The following ZC2HC1A variants were observed in gnomAD, a reference collection of about 807,000 sequenced individuals.
The protein encoded by ZC2HC1A is zinc finger C2HC domain-containing protein 1A.
In ZC2HC1A, 28 loss-of-function variants were observed where a neutral mutation model predicts 40.7. The ratio of observed to expected loss-of-function variants is 0.69; its 90% confidence interval spans 0.51 to 0.94. The LOEUF (loss-of-function observed/expected upper bound fraction) is 0.94, where lower values mean the gene tolerates loss of function less well. ZC2HC1A is among the 40% of genes least tolerant of loss of function. The pLI is 0.00. For missense variants in ZC2HC1A, 389 were observed against 386.3 expected (o/e 1.01, Z -0.06); for synonymous variants, 129 against 129.2 (o/e 1.00, Z 0.01).
chr8:78,694,952 G>A (rs2130530039), intron 5 of ZC2HC1A, among the ~76,000 whole-genome samples: 1 of 152,198 alleles, frequency 6.6e-6, no homozygotes, highest in African/African-American at 2.4e-5. Context: ...CTTCATAATA[G>A]CACACAAAAC....
intron 3 of ZC2HC1A, 106 bp downstream of exon 3, chr8:78,678,785 A>C: frequency 1.7e-6 from 1 of 605,342 alleles, no homozygotes; most frequent in Non-Finnish European, 2.7e-6. Flanking sequence ...ATTATCTGCT[A>C]CATTAAGATT....
intron 7 of ZC2HC1A, among the ~76,000 whole-genome samples, chr8:78,709,374 G>T (rs1347535159): frequency 6.6e-6 from 1 of 152,150 alleles, no homozygotes; most frequent in Non-Finnish European, 1.5e-5. Context: ...CTTTTGATGT[G>T]TGTGAAATGA....
At chr8:78,691,397 T>C (rs1249036542) in intron 5 of ZC2HC1A, among the ~76,000 whole-genome samples, 1 of 152,214 alleles carries the variant, frequency 6.6e-6, no homozygotes, top group Non-Finnish European at 1.5e-5. Context: ...TGTGTTGCAG[T>C]ATGTTTCATG....
intron 3 of ZC2HC1A, among the ~76,000 whole-genome samples, chr8:78,683,416 C>A (rs1402170021): frequency 6.6e-6 from 1 of 152,236 alleles, no homozygotes; most frequent in African/African-American, 2.4e-5. Flanking sequence ...GTGGGCTCAA[C>A]ACCATGTGGA....
At position 78,689,367 on chromosome 8, in the gene ZC2HC1A, A is replaced by T. The variant is rs373470064; in HGVS notation, c.498A>T (p.Thr166=). ...TDTKGKPTSR[T]QVYKPPALKK... ...CCAAAGGAAAACCAACTTCTCGGAC[A>T]CAGGTGGTAAGTTCAGTTTTAATAA... The change falls in exon 5 of 9, where the codon ACA becomes ACT. Residue 166 remains threonine (T), a synonymous_variant. Coordinates refer to ENST00000263849, the MANE Select transcript of ZC2HC1A (RefSeq NM_016010.3). 74 of 1,582,066 alleles carry T rather than the reference A, an allele frequency of 4.7e-5. No individual in the cohort carries two copies. The highest frequency in any genetic ancestry group is 6.3e-5 in the Non-Finnish European group (73 of 1,166,258).
chr8:78,697,387 T>C lies in ZC2HC1A; in HGVS notation c.505-20T>C. The C allele has an allele frequency of 1.3e-6, 2 of 1,527,850 alleles. No individual in the cohort carries two copies. Among genetic ancestry groups the C allele is most frequent in the African/African-American group, 1.4e-5 (1 of 71,294 alleles). 94.6% of individuals were successfully genotyped at this position (1,527,850 alleles called of 1,614,324 possible). A position where few individuals can be genotyped will look rare whatever the true frequency, so the allele number is the denominator to read the frequency against. On this transcript the variant is annotated intron_variant, in intron 5 of 8. Transcript: ENST00000263849. ...AATCAAAAAGTGATGTTGATTAATA[T>C]TTTTTTTCCATTATTTTAGTATAAG...
At chr8:78,689,992 G>A (rs1001501330) in intron 5 of ZC2HC1A, among the ~76,000 whole-genome samples, 4 of 151,994 alleles carry the variant, frequency 2.6e-5, no homozygotes, top group African/African-American at 7.2e-5. Flanking sequence ...TGAAGTAAGG[G>A]GCAGTTTTTC....
intron 6 of ZC2HC1A, 30 bp from the exon 7 acceptor site, chr8:78,698,384 T>C (rs1170420986): frequency 5.8e-6 from 9 of 1,545,750 alleles, no homozygotes; most frequent in Middle Eastern, 3.4e-4. Flanking sequence ...TTTTAGAGTA[T>C]TGTTAAAAAT....
At chr8:78,672,899 A>T (rs973066812) in intron 1 of ZC2HC1A, among the ~76,000 whole-genome samples, 4 of 150,818 alleles carry the variant, frequency 2.7e-5, no homozygotes, top group African/African-American at 9.7e-5. Flanking sequence ...ATTATTTTTA[A>T]TTTTTTTTTT....
chr8:78,698,525 C>T lies in ZC2HC1A; in HGVS notation c.704+12C>T. The T allele has an allele frequency of 6.4e-7, 1 of 1,558,576 alleles. No individual in the cohort carries two copies. Among genetic ancestry groups the T allele is most frequent in the Non-Finnish European group, 8.8e-7 (1 of 1,141,820 alleles). ...GCCCCTCATGCAGGGTAAGTCTACA[C>T]TGGATATAATTATTAGTGGTATATA... On this transcript the variant is annotated intron_variant, in intron 7 of 8. Coordinates refer to ENST00000263849, the MANE Select transcript of ZC2HC1A (RefSeq NM_016010.3).
intron 7 of ZC2HC1A, among the ~76,000 whole-genome samples, chr8:78,710,288 C>CAT (rs1019549089): frequency 1.8e-3 from 280 of 151,534 alleles, no homozygotes; most frequent in African/African-American, 5.8e-3. Flanking sequence ...TTTGAATGTA[C>CAT]ATATATATAT....
intron 7 of ZC2HC1A, among the ~76,000 whole-genome samples, chr8:78,699,263 A>G (rs945317611): frequency 6.6e-5 from 10 of 152,098 alleles, no homozygotes; most frequent in Non-Finnish European, 1.5e-4. Flanking sequence ...ATATAATTAA[A>G]CTTTCAATAG....
intron 7 of ZC2HC1A, among the ~76,000 whole-genome samples, chr8:78,710,243 C>A (rs1361723417): frequency 6.6e-6 from 1 of 152,024 alleles, no homozygotes; most frequent in Non-Finnish European, 1.5e-5. Context: ...CTAAAAATAG[C>A]ATTCATTAAC....
intron 5 of ZC2HC1A, among the ~76,000 whole-genome samples, chr8:78,692,509 A>T (rs1464254987): frequency 6.6e-6 from 1 of 152,172 alleles, no homozygotes; most frequent in African/African-American, 2.4e-5. Context: ...CATGGTAGGT[A>T]ATATATAACA....
intron 3 of ZC2HC1A, among the ~76,000 whole-genome samples, chr8:78,685,359 T>TTC (rs1197585059): frequency 6.6e-6 from 1 of 152,188 alleles, no homozygotes; most frequent in African/African-American, 2.4e-5. Context: ...AACTGGAAGT[T>TTC]GTAGAAGGAA....
chr8:78,680,027 T>C (rs937210846), intron 3 of ZC2HC1A, among the ~76,000 whole-genome samples: 3 of 152,136 alleles, frequency 2.0e-5, no homozygotes, highest in Admixed American at 2.0e-4. Context: ...AACTTTCACT[T>C]TGCTACATAC....
In ZC2HC1A at chr8:78,697,440, C is replaced by T. The variant is rs769083996; in HGVS notation, c.538C>T (p.Pro180Ser). ...KPPALKKSNSPGTASSGSSRL... is the reference protein window; with the variant it reads ...KPPALKKSNSSGTASSGSSRL... The stretch of plus-strand genomic sequence containing the variant: ...ACCCGCACTTAAAAAGTCAAATTCT[C>T]CTGGAACTGCATCATCAGGATCTTC... The change falls in exon 6 of 9, where the codon CCT becomes TCT. Residue 180 changes from proline to serine, a missense_variant. Transcript: ENST00000263849. The T allele has an allele frequency of 8.7e-6, 14 of 1,608,646 alleles. No individual in the cohort carries two copies. Among genetic ancestry groups the T allele is most frequent in the South Asian group, 1.1e-5 (1 of 89,964 alleles).
chr8:78,712,224 C>A (rs1810974343), intron 7 of ZC2HC1A: 1 of 454,114 alleles, frequency 2.2e-6, no homozygotes, highest in Non-Finnish European at 3.5e-6. Flanking sequence ...TGAATAATTT[C>A]TAAGCCAAAA....
At chr8:78,704,245 G>A (rs190756179) in intron 7 of ZC2HC1A, among the ~76,000 whole-genome samples, 20 of 151,782 alleles carry the variant, frequency 1.3e-4, no homozygotes, top group Admixed American at 3.3e-4. Flanking sequence ...AAAATTAGCC[G>A]GGTGTGGTTG....
Sources: gnomAD v4.1 joint callset for allele counts (sites outside exome capture counted in the v4.1 genomes callset) on GRCh38, gnomAD v4.1.1 for gene constraint, MANE v1.5 for transcripts, NCBI Gene and HGNC (gene_info 2026-07-23, HGNC 2026-07-21) for gene names.